The following LRRC37A2 variants were observed in gnomAD, a reference collection of about 807,000 sequenced individuals.
LRRC37A2 encodes leucine rich repeat containing 37 member A2, also known as leucine-rich repeat-containing protein 37A2.
A neutral mutation model predicts 68.8 loss-of-function variants in LRRC37A2; 9 were observed. The ratio of observed to expected loss-of-function variants is 0.13; its 90% CI spans 0.08 to 0.23. The LOEUF is 0.23. LRRC37A2 is among the 10% of genes least tolerant of loss of function. The pLI is 1.00. For synonymous variants in LRRC37A2, 63 were observed against 367.6 expected (o/e 0.17, Z 9.48); for missense variants, 168 against 950.4 (o/e 0.18, Z 10.82).
the LRRC37A2 span, among the ~76,000 whole-genome samples, chr17:46,708,804 T>TTATATA: frequency 3.6e-3 from 230 of 64,338 alleles, 3 homozygotes; most frequent in Middle Eastern, 0.02. Flanking sequence ...ACCATTTATT[T>TTATATA]TATATATATA....
At chr17:46,854,302 A>G in the LRRC37A2 span, among the ~76,000 whole-genome samples, 2 of 152,224 alleles carry the variant, frequency 1.3e-5, no homozygotes, top group African/African-American at 2.4e-5. Flanking sequence ...GTAGTGGGAA[A>G]GTGAGGCAAA....
chr17:46,532,157 C>A (rs1208768898), intron 6 of LRRC37A2, among the ~76,000 whole-genome samples: 1 of 149,456 alleles, frequency 6.7e-6, no homozygotes, highest in Non-Finnish European at 1.5e-5. Flanking sequence ...CTTCAGCCTC[C>A]CAAAATGCTG....
chr17:46,845,045 C>T, the LRRC37A2 span, among the ~76,000 whole-genome samples: 2 of 152,298 alleles, frequency 1.3e-5, no homozygotes, highest in African/African-American at 2.4e-5. Flanking sequence ...GATGGGGTTT[C>T]ACCATGTTGA....
the LRRC37A2 span, among the ~76,000 whole-genome samples, chr17:46,852,691 C>T: frequency 2.0e-5 from 3 of 152,102 alleles, no homozygotes; most frequent in African/African-American, 7.2e-5. Flanking sequence ...TATGTACAGC[C>T]TGTTACTTTA....
the LRRC37A2 span, among the ~76,000 whole-genome samples, chr17:46,782,161 G>A: frequency 1.3e-5 from 2 of 152,174 alleles, no homozygotes; most frequent in African/African-American, 4.8e-5. Flanking sequence ...TGCAGAAATA[G>A]GCCCTTTGCC....
chr17:46,908,318 G>A, the LRRC37A2 span, among the ~76,000 whole-genome samples: 1 of 152,166 alleles, frequency 6.6e-6, no homozygotes. Context: ...CTCTCCTCAA[G>A]AGGGGTCCTC....
the LRRC37A2 span, among the ~76,000 whole-genome samples, chr17:46,854,907 G>A: frequency 6.6e-6 from 1 of 152,126 alleles, no homozygotes; most frequent in African/African-American, 2.4e-5. Context: ...TGATCCACTT[G>A]CCTGGGCCTC....
chr17:46,939,213 A>T, the LRRC37A2 span: 1 of 1,073,548 alleles, frequency 9.3e-7, no homozygotes, highest in African/African-American at 1.6e-5. Context: ...TCTCACAGCC[A>T]TTATATTAAA....
chr17:46,922,094 C>T, the LRRC37A2 span, among the ~76,000 whole-genome samples: 1 of 152,182 alleles, frequency 6.6e-6, no homozygotes, highest in Non-Finnish European at 1.5e-5. Flanking sequence ...AAATGTCCAA[C>T]AATGACAGAC....
At chr17:47,013,968 C>T in the LRRC37A2 span, among the ~76,000 whole-genome samples, 1 of 152,256 alleles carries the variant, frequency 6.6e-6, no homozygotes, top group African/African-American at 2.4e-5. Context: ...AATGGTGGCA[C>T]ATGCATCCCA....
At chr17:46,409,437 GC>G in the LRRC37A2 span, among the ~76,000 whole-genome samples, 1 of 151,580 alleles carries the variant, frequency 6.6e-6, no homozygotes, top group East Asian at 1.9e-4. Context: ...GTACCACTGT[GC>G]CTGACTAATT....
the LRRC37A2 span, chr17:46,768,543 T>C: frequency 6.2e-7 from 1 of 1,614,052 alleles, no homozygotes. The surrounding 1 kb of genome is among the most constrained non-coding windows in gnomAD (Gnocchi z 5.0). Flanking sequence ...CTCACAAAAG[T>C]TGGGGGAGTT....
the LRRC37A2 span, among the ~76,000 whole-genome samples, chr17:46,814,148 G>A: frequency 6.6e-6 from 1 of 152,228 alleles, no homozygotes; most frequent in African/African-American, 2.4e-5. Flanking sequence ...CTGGGGTGGA[G>A]GTGGGGGTGA....
chr17:46,837,791 G>T, the LRRC37A2 span, among the ~76,000 whole-genome samples: 12 of 152,202 alleles, frequency 7.9e-5, no homozygotes, highest in Non-Finnish European at 1.2e-4. Context: ...TGCCTTCAGG[G>T]CTGATATGCA....
the LRRC37A2 span, among the ~76,000 whole-genome samples, chr17:46,818,946 G>T: frequency 1.6e-4 from 24 of 152,308 alleles, no homozygotes; most frequent in East Asian, 4.3e-3. Context: ...GCTTCGGGGG[G>T]ACGCGGTGGG....
At chr17:46,947,874 C>T in the LRRC37A2 span, among the ~76,000 whole-genome samples, 72,096 of 152,028 alleles carry the variant, frequency 0.47, 17,188 homozygotes, top group Middle Eastern at 0.56. Context: ...GTTCAAGCGA[C>T]TCTCCTGCCT....
the LRRC37A2 span, among the ~76,000 whole-genome samples, chr17:46,848,270 T>A: frequency 6.6e-6 from 1 of 151,878 alleles, no homozygotes; most frequent in African/African-American, 2.4e-5. Context: ...CAGGAAGGAG[T>A]GCTTCCGTCA....
chr17:47,024,267 AG>A, the LRRC37A2 span, among the ~76,000 whole-genome samples: 1 of 151,946 alleles, frequency 6.6e-6, no homozygotes, highest in African/African-American at 2.4e-5. Flanking sequence ...TTTTTGATGG[AG>A]GGGAAAAGGT....
At chr17:46,493,358 T>G in the LRRC37A2 span, among the ~76,000 whole-genome samples, 1 of 126,510 alleles carries the variant, frequency 7.9e-6, no homozygotes, top group Admixed American at 7.8e-5. Flanking sequence ...AGATGGGGTT[T>G]TGATATGTTG....
Sources: allele counts gnomAD v4.1 joint callset (sites outside exome capture counted in the v4.1 genomes callset), GRCh38; gene constraint gnomAD v4.1.1; non-coding constraint Gnocchi (gnomAD v3.1); transcripts MANE v1.5; gene names NCBI Gene and HGNC (gene_info 2026-07-23, HGNC 2026-07-21).